The following EPS15 variants were observed in gnomAD, a reference collection of about 807,000 sequenced individuals.
EPS15 encodes epidermal growth factor receptor pathway substrate 15, also known as epidermal growth factor receptor substrate 15.
Under a neutral mutation model 113.8 loss-of-function variants are expected in EPS15, and 72 were observed. That is an observed-to-expected ratio of 0.63 (90% confidence interval 0.52 to 0.77). The LOEUF (loss-of-function observed/expected upper bound fraction) is 0.77, where lower values mean the gene tolerates loss of function less well. Among genes scored for constraint, EPS15 ranks in the 30% least tolerant of loss-of-function variants. The pLI is 0.00. For synonymous variants in EPS15, 344 were observed against 363.4 expected (o/e 0.95, Z 0.61); for missense variants, 1,048 against 1,045.8 (o/e 1.00, Z -0.03).
chr1:51,393,923 T>A (rs952889937), intron 21 of EPS15, among the ~76,000 whole-genome samples: 1 of 152,204 alleles, frequency 6.6e-6, no homozygotes, highest in African/African-American at 2.4e-5. Context: ...AAATAAAAAA[T>A]TTTATACCAT....
chr1:51,485,119 A>C (rs1433533302), intron 1 of EPS15, among the ~76,000 whole-genome samples: 1 of 152,168 alleles, frequency 6.6e-6, no homozygotes. Context: ...CCACTGAGGC[A>C]GTTTCTATTT....
chr1:51,501,294 G>A (rs1172252882), intron 1 of EPS15, among the ~76,000 whole-genome samples: 1 of 151,544 alleles, frequency 6.6e-6, no homozygotes, highest in Admixed American at 6.6e-5. Flanking sequence ...TGTAATCCCA[G>A]CTACCCAGGA....
intron 2 of EPS15, among the ~76,000 whole-genome samples, chr1:51,479,941 A>C (rs1331435462): frequency 1.3e-5 from 2 of 152,240 alleles, no homozygotes; most frequent in Admixed American, 1.3e-4. Flanking sequence ...GGGAAACCTC[A>C]AGATGAGATA....
intron 12 of EPS15, among the ~76,000 whole-genome samples, chr1:51,437,578 G>A (rs1269923060): frequency 6.6e-6 from 1 of 151,264 alleles, no homozygotes; most frequent in East Asian, 1.9e-4. Context: ...TGCCTCCCAG[G>A]TTCAAGGAAT....
In EPS15 at chr1:51,470,646, CAAA is replaced by C. The variant is rs10616476; in HGVS notation, c.213+1041_213+1043del. ...TGGGTAACAGATCAGGGCTCTGTCT[CAAA>C]AAAAAAAAAAAAAAAAAAAAATCTA... On this transcript the variant is annotated intron_variant, in intron 4 of 24. Transcript: ENST00000371733. Among the ~76,000 whole-genome samples the C allele has an allele frequency of 5.2e-3, 382 of 72,980 alleles. 1 individual carries two copies. Among genetic ancestry groups the C allele is most frequent in the African/African-American group, 0.015 (333 of 22,860 alleles). 47.9% of individuals were successfully genotyped at this position (72,980 alleles called of 152,430 possible).
At chr1:51,479,102 C>T (rs12128075) in intron 2 of EPS15, among the ~76,000 whole-genome samples, 294 of 152,284 alleles carry the variant, frequency 1.9e-3, no homozygotes, top group Admixed American at 3.4e-3. Context: ...ACCAATCAGA[C>T]GTAGATTTGG....
chr1:51,511,029 G>A (rs763102780), intron 1 of EPS15, among the ~76,000 whole-genome samples: 1 of 151,978 alleles, frequency 6.6e-6, no homozygotes, highest in Non-Finnish European at 1.5e-5. Flanking sequence ...AGCCAGGTGT[G>A]GCGGTGGGCG....
At chr1:51,451,737 T>A (rs1653585068) in intron 8 of EPS15, among the ~76,000 whole-genome samples, 2 of 149,120 alleles carry the variant, frequency 1.3e-5, no homozygotes, top group Non-Finnish European at 1.5e-5. Flanking sequence ...CCAGAATATA[T>A]TCTCTTCATT....
At chr1:51,371,572 T>C (rs1646653994) in intron 21 of EPS15, among the ~76,000 whole-genome samples, 1 of 149,208 alleles carries the variant, frequency 6.7e-6, no homozygotes, top group African/African-American at 2.5e-5. Flanking sequence ...AGAAAGAAAA[T>C]ATTTTTGTAC....
chr1:51,472,448 G>A (rs1243043517), intron 3 of EPS15, among the ~76,000 whole-genome samples: 1 of 152,110 alleles, frequency 6.6e-6, no homozygotes, highest in African/African-American at 2.4e-5. Flanking sequence ...AGACAGGGGA[G>A]GGGCTTTCCA....
intron 21 of EPS15, among the ~76,000 whole-genome samples, chr1:51,386,108 GAC>G (rs1647063935): frequency 6.6e-6 from 1 of 152,096 alleles, no homozygotes; most frequent in African/African-American, 2.4e-5. Flanking sequence ...CTACCCACTA[GAC>G]TCCCATTACA....
chr1:51,388,214 A>G (rs1385432261), intron 21 of EPS15, among the ~76,000 whole-genome samples: 2 of 152,254 alleles, frequency 1.3e-5, no homozygotes, highest in East Asian at 3.8e-4. Context: ...CTGCTCCTGA[A>G]TGACTACTGG....
At chr1:51,365,803 T>C in intron 22 of EPS15, 150 bp downstream of exon 22, 1 of 547,060 alleles carries the variant, frequency 1.8e-6, no homozygotes, top group Non-Finnish European at 3.2e-6. Flanking sequence ...AACTATATGT[T>C]ATCTTTCATT....
intron 1 of EPS15, among the ~76,000 whole-genome samples, chr1:51,493,071 C>CA (rs965859319): frequency 7.3e-5 from 10 of 136,170 alleles, no homozygotes; most frequent in South Asian, 2.4e-4. Context: ...ACTAAAAATA[C>CA]AAAAAAAAGG....
intron 8 of EPS15, among the ~76,000 whole-genome samples, chr1:51,452,506 A>T (rs201903827): frequency 1.3e-5 from 2 of 152,038 alleles, no homozygotes; most frequent in East Asian, 3.9e-4. Context: ...TTGGTATCAA[A>T]CTTCTGGGAT....
At chr1:51,488,747 T>A (rs567102821) in intron 1 of EPS15, among the ~76,000 whole-genome samples, 1 of 152,260 alleles carries the variant, frequency 6.6e-6, no homozygotes, top group South Asian at 2.1e-4. Context: ...TCTCCTCCTT[T>A]CTTTAGTAAT....
chr1:51,440,276 ACT>A (rs1652481598), intron 12 of EPS15, 69 bp downstream of exon 12: 1 of 448,868 alleles, frequency 2.2e-6, no homozygotes. Context: ...ATATACATGT[ACT>A]GTGTGTGTGT....
chr1:51,451,030 A>G (rs74743056), intron 8 of EPS15, among the ~76,000 whole-genome samples: 6,460 of 151,940 alleles, frequency 0.043, 298 homozygotes, highest in Middle Eastern at 0.11. Flanking sequence ...AGCCTTGAAT[A>G]ATGCTAACCA....
chr1:51,387,405 C>T (rs1466809533), intron 21 of EPS15, among the ~76,000 whole-genome samples: 1 of 152,000 alleles, frequency 6.6e-6, no homozygotes, highest in East Asian at 1.9e-4. Flanking sequence ...GAAGAAACTG[C>T]ATCAACTAAT....
Sources: gnomAD v4.1 joint callset for allele counts (sites outside exome capture counted in the v4.1 genomes callset) on GRCh38, gnomAD v4.1.1 for gene constraint, MANE v1.5 for transcripts, NCBI Gene and HGNC (gene_info 2026-07-23, HGNC 2026-07-21) for gene names.